ICAM2: variants seen among roughly 807,000 people sequenced by gnomAD.
The protein encoded by ICAM2 is ICAM-2.
ICAM2 carries 14 observed loss-of-function variants against 19.1 expected under a neutral mutation model. The ratio of observed to expected loss-of-function variants is 0.73; its 90% CI spans 0.48 to 1.15. The LOEUF (loss-of-function observed/expected upper bound fraction) is 1.15. Among genes scored for constraint, ICAM2 ranks in the 50% most tolerant of loss-of-function variants. The pLI is 0.00. For missense variants in ICAM2, 311 were observed against 355.4 expected, an observed-to-expected ratio of 0.88 and a Z score of 1.00; for synonymous variants, 153 against 152.7, an observed-to-expected ratio of 1.00 and a Z score of -0.01.
intron 1 of ICAM2, among the ~76,000 whole-genome samples, chr17:64,010,540 G>GAAAAAA (rs58057567): frequency 6.9e-6 from 1 of 144,648 alleles, no homozygotes. Flanking sequence ...TTGTTTGAAA[G>GAAAAAA]AAAAAAAAAA....
chr17:64,005,755 A>C (rs1462350606), intron 2 of ICAM2, among the ~76,000 whole-genome samples: 1 of 152,088 alleles, frequency 6.6e-6, no homozygotes, highest in East Asian at 1.9e-4. Flanking sequence ...GCCCTCCCAC[A>C]GAGGGCCCTC....
chr17:64,017,252 T>C (rs1911751842), intron 1 of ICAM2, among the ~76,000 whole-genome samples: 1 of 152,176 alleles, frequency 6.6e-6, no homozygotes, highest in Non-Finnish European at 1.5e-5. Flanking sequence ...TAATAAGAGA[T>C]TTTAGCAAGG....
At chr17:64,009,458 C>G (rs1433316876) in intron 1 of ICAM2, among the ~76,000 whole-genome samples, 1 of 152,028 alleles carries the variant, frequency 6.6e-6, no homozygotes. Context: ...CAAAGGTTTT[C>G]TTTTTTTGAG....
intron 3 of ICAM2, chr17:64,004,211 G>C (rs1256301736): frequency 2.0e-6 from 1 of 508,392 alleles, no homozygotes; most frequent in African/African-American, 1.9e-5. Flanking sequence ...AAATTGTACA[G>C]CCAACTGGAA....
rs563378832 is a variant in ICAM2, at chr17:64,007,508, TGCCTTG to T, written c.-44-779_-44-774del. On this transcript the variant is annotated intron_variant, in intron 1 of 4. Transcript: ENST00000579788. Reference sequence around the variant, plus strand: ...AACTCCTGACCTCAGGTGATCTGCCTGCCTTGGCCTCCCAAAGTGCTGGGATTACAG... The same window carrying T: ...AACTCCTGACCTCAGGTGATCTGCCTGCCTCCCAAAGTGCTGGGATTACAG... Among the ~76,000 whole-genome samples the T allele has an allele frequency of 2.8e-4, 43 of 152,238 alleles. 1 individual carries two copies. Among genetic ancestry groups the T allele is most frequent in the African/African-American group, 8.9e-4 (37 of 41,550 alleles).
chr17:64,010,540 GAA>G (rs58057567), intron 1 of ICAM2, among the ~76,000 whole-genome samples: 23 of 144,688 alleles, frequency 1.6e-4, no homozygotes, highest in African/African-American at 5.9e-4. Context: ...TTGTTTGAAA[GAA>G]AAAAAAAAAA....
intron 1 of ICAM2, chr17:64,007,593 G>C (rs1326071142): frequency 6.6e-6 from 1 of 152,188 alleles, no homozygotes; most frequent in African/African-American, 2.4e-5. Flanking sequence ...ACTTGATCTT[G>C]ACTCAGCTGA....
chr17:64,002,937 G>A lies in ICAM2; in HGVS notation c.650-12C>T. On this transcript the variant is annotated splice_polypyrimidine_tract_variant and intron_variant, in intron 4 of 4. Transcript: ENST00000579788. ...GTCCGACACAGGCTCTGGGGAGGGA[G>A]GGGGCAAGGGTCTTAGACGTCCTGT... 1 of 1,611,684 alleles carries A rather than the reference G, an allele frequency of 6.2e-7. No homozygotes were observed. Among genetic ancestry groups the A allele is most frequent in the Non-Finnish European group, 8.5e-7 (1 of 1,178,570 alleles).
intron 1 of ICAM2, among the ~76,000 whole-genome samples, chr17:64,020,156 C>T (rs1911891874): frequency 6.6e-6 from 1 of 151,920 alleles, no homozygotes; most frequent in African/African-American, 2.4e-5. Context: ...ACTGTCCCTT[C>T]CCCTCTGCAT....
At position 64,003,868 on chromosome 17, in the gene ICAM2, A is replaced by T; in HGVS notation, c.425T>A (p.Leu142Gln). 6.2e-7 allele frequency: 1 copy of T among 1,614,248 alleles called. No homozygotes were observed. Among genetic ancestry groups the T allele is most frequent in the Non-Finnish European group, 8.5e-7 (1 of 1,180,034 alleles). ...IECRVPTVEPLDSLTLFLFRG... is the reference protein window; with the variant it reads ...IECRVPTVEPQDSLTLFLFRG... ...GAACAGGAAGAGGGTGAGGCTGTCC[A>T]GGGGCTCCACGGTGGGCACCCTGCA... The change falls in exon 4 of 5, where the codon CTG becomes CAG. Residue 142 changes from leucine to glutamine, a missense_variant. Leu to Gln is a moderately radical substitution (Grantham distance 113). Transcript: ENST00000579788.
intron 1 of ICAM2, among the ~76,000 whole-genome samples, chr17:64,009,769 T>C (rs1178207490): frequency 6.6e-6 from 1 of 152,188 alleles, no homozygotes; most frequent in East Asian, 1.9e-4. Context: ...TGTCATAGGA[T>C]TAGAGTTCCC....
At chr17:64,015,861 AATT>A (rs1450003876) in intron 1 of ICAM2, among the ~76,000 whole-genome samples, 1 of 143,220 alleles carries the variant, frequency 7.0e-6, no homozygotes, top group African/African-American at 2.5e-5. Context: ...CTTTAAAAAA[AATT>A]ATTATTATTA....
intron 1 of ICAM2, among the ~76,000 whole-genome samples, chr17:64,008,762 G>T (rs956020679): frequency 6.6e-6 from 1 of 152,160 alleles, no homozygotes; most frequent in African/African-American, 2.4e-5. Context: ...AAGGTTCTGG[G>T]GCCTGCCTCA....
chr17:64,003,586 C>T (rs531264233), intron 4 of ICAM2, 58 bp downstream of exon 4: 14 of 1,514,586 alleles, frequency 9.2e-6, no homozygotes, highest in South Asian at 7.5e-5. Context: ...ATTTTTCTTC[C>T]CCCGAGGGGC....
chr17:64,013,501 A>G (rs1911534847), intron 1 of ICAM2, among the ~76,000 whole-genome samples: 1 of 151,118 alleles, frequency 6.6e-6, no homozygotes, highest in South Asian at 2.1e-4. Context: ...TTCCTATCTC[A>G]AAAAAGAAAA....
chr17:64,019,729 T>A (rs1911867285), intron 1 of ICAM2, among the ~76,000 whole-genome samples: 1 of 144,422 alleles, frequency 6.9e-6, no homozygotes, highest in South Asian at 2.2e-4. Flanking sequence ...GACAAGAGAA[T>A]CGCTTGAACC....
At chr17:64,016,546 C>T (rs529779366) in intron 1 of ICAM2, among the ~76,000 whole-genome samples, 48 of 152,306 alleles carry the variant, frequency 3.2e-4, no homozygotes, top group African/African-American at 1.1e-3. Flanking sequence ...CCCTAGAATG[C>T]GATCCTTACC....
intron 4 of ICAM2, 113 bp downstream of exon 4, chr17:64,003,531 T>C: frequency 3.2e-6 from 3 of 950,286 alleles, no homozygotes; most frequent in Non-Finnish European, 3.3e-6. Flanking sequence ...AGCCTCAGGA[T>C]GAAGGGTGGG....
At chr17:64,006,581 C>T (rs749718836) in intron 2 of ICAM2, 50 bp downstream of exon 2, 22 of 1,535,204 alleles carry the variant, frequency 1.4e-5, no homozygotes, top group Non-Finnish European at 1.9e-5. Flanking sequence ...GGCACCCCCA[C>T]CCTCTCGGCT....
Sources: gnomAD v4.1 joint callset for allele counts (sites outside exome capture counted in the v4.1 genomes callset) on GRCh38, gnomAD v4.1.1 for gene constraint, MANE v1.5 for transcripts, NCBI Gene and HGNC (gene_info 2026-07-23, HGNC 2026-07-21) for gene names.